SHISAL2B: variants seen among roughly 807,000 people sequenced by gnomAD.
SHISAL2B encodes protein shisa-like-2B.
SHISAL2B carries 12 observed loss-of-function variants against 16.5 expected under a neutral mutation model. That is an observed-to-expected ratio of 0.73 (90% CI 0.47 to 1.18). SHISAL2B has a LOEUF of 1.18. SHISAL2B is among the 50% of genes most tolerant of loss of function. The probability of loss-of-function intolerance (pLI) is 0.00; values close to 1 mark genes in which losing one functional copy is unlikely to be tolerated. For missense variants in SHISAL2B, 183 were observed against 193.6 expected (o/e 0.95, Z 0.33); for synonymous variants, 72 against 75.0 (o/e 0.96, Z 0.21).
chr5:64,693,547 T>C (rs529186066), intron 1 of SHISAL2B, among the ~76,000 whole-genome samples: 1 of 152,230 alleles, frequency 6.6e-6, no homozygotes, highest in East Asian at 1.9e-4. Context: ...GAAGATTTTT[T>C]AATCAGGTTC....
intron 2 of SHISAL2B, among the ~76,000 whole-genome samples, chr5:64,716,044 A>C (rs1279983965): frequency 6.6e-6 from 1 of 152,228 alleles, no homozygotes; most frequent in Non-Finnish European, 1.5e-5. Flanking sequence ...TACACCGTTG[A>C]CCAAGAAAAA....
chr5:64,702,348 G>A (rs1028611326), intron 2 of SHISAL2B, among the ~76,000 whole-genome samples: 7 of 152,116 alleles, frequency 4.6e-5, no homozygotes, highest in Non-Finnish European at 8.8e-5. Flanking sequence ...TTACAGGCAT[G>A]AGCCACCACG....
chr5:64,715,320 G>T (rs1214612125), intron 2 of SHISAL2B, among the ~76,000 whole-genome samples: 2 of 152,064 alleles, frequency 1.3e-5, no homozygotes. Flanking sequence ...CTCATATCCA[G>T]AAGACATGCT....
chr5:64,709,086 T>C (rs1190156915), intron 2 of SHISAL2B, among the ~76,000 whole-genome samples: 1 of 150,764 alleles, frequency 6.6e-6, no homozygotes, highest in Non-Finnish European at 1.5e-5. Flanking sequence ...GTGCACATTG[T>C]GCGGGTTAGT....
chr5:64,714,995 C>A (rs893446153), intron 2 of SHISAL2B, among the ~76,000 whole-genome samples: 1 of 152,110 alleles, frequency 6.6e-6, no homozygotes, highest in Non-Finnish European at 1.5e-5. Context: ...AGAAATCACC[C>A]GTCTTCTGCG....
chr5:64,690,853 C>T, intron 1 of SHISAL2B, 39 bp downstream of exon 1: 1 of 1,467,308 alleles, frequency 6.8e-7, no homozygotes, highest in Admixed American at 2.3e-5. Flanking sequence ...CTGGCCGAGC[C>T]CGGGGCTAGG....
intron 1 of SHISAL2B, among the ~76,000 whole-genome samples, chr5:64,694,629 T>TTC (rs1741704703): frequency 6.6e-6 from 1 of 152,242 alleles, no homozygotes; most frequent in African/African-American, 2.4e-5. Flanking sequence ...TCCTTAATGC[T>TTC]AGAAGCCATT....
At chr5:64,710,517 C>T (rs1205260370) in intron 2 of SHISAL2B, among the ~76,000 whole-genome samples, 2 of 65,882 alleles carry the variant, frequency 3.0e-5, no homozygotes, top group Non-Finnish European at 5.0e-5. Context: ...CTTGGCGATG[C>T]GGGCTCTTTT....
At chr5:64,708,907 T>C (rs10074530) in intron 2 of SHISAL2B, among the ~76,000 whole-genome samples, 2,396 of 152,166 alleles carry the variant, frequency 0.016, 61 homozygotes, top group African/African-American at 0.055. Context: ...TGAAATAAAG[T>C]CATTATTGTG....
chr5:64,691,315 C>G (rs1179980798), intron 1 of SHISAL2B: 1 of 153,190 alleles, frequency 6.5e-6, no homozygotes, highest in South Asian at 2.1e-4. Context: ...TATTTTAAGA[C>G]TCTTTGAGGG....
At chr5:64,701,522 C>A (rs1741809733) in intron 2 of SHISAL2B, among the ~76,000 whole-genome samples, 1 of 151,966 alleles carries the variant, frequency 6.6e-6, no homozygotes, top group Non-Finnish European at 1.5e-5. Context: ...TATTGATATT[C>A]TGGAGTTTTA....
chr5:64,704,080 TAAG>T (rs1453890315), intron 2 of SHISAL2B, among the ~76,000 whole-genome samples: 1 of 152,140 alleles, frequency 6.6e-6, no homozygotes, highest in Admixed American at 6.5e-5. Flanking sequence ...TACTAAATAA[TAAG>T]GTGACTCAGC....
chr5:64,695,264 CA>C (rs33996841), intron 1 of SHISAL2B, among the ~76,000 whole-genome samples: 132 of 130,578 alleles, frequency 1.0e-3, no homozygotes, highest in African/African-American at 1.5e-3. Context: ...GACACCATCT[CA>C]AAAAAAAAAA....
chr5:64,703,734 G>A (rs1741841696), intron 2 of SHISAL2B, among the ~76,000 whole-genome samples: 1 of 152,150 alleles, frequency 6.6e-6, no homozygotes, highest in South Asian at 2.1e-4. Context: ...AATAGGGTAG[G>A]AAAATAATTT....
intron 1 of SHISAL2B, among the ~76,000 whole-genome samples, chr5:64,693,914 A>G (rs570965848): frequency 2.0e-5 from 3 of 152,318 alleles, no homozygotes; most frequent in East Asian, 3.9e-4. Context: ...GTCGACTTCA[A>G]GTGTGTGCTT....
Position 64,690,797 on chromosome 5 carries a change from C to A in SHISAL2B, c.174C>A (p.Ser58Arg). 6.5e-7 allele frequency: 1 copy of A among 1,539,010 alleles called. No homozygotes were observed. Reference sequence around the variant, plus strand: ...GCAGCTACTTCCCCTACAAGCACAGCTACATGTGGAGCCTCAGGTGGGCTG... The same window carrying A: ...GCAGCTACTTCCCCTACAAGCACAGATACATGTGGAGCCTCAGGTGGGCTG... ...EPGSYFPYKHSYMWSLSIGAL... is the reference protein window; with the variant it reads ...EPGSYFPYKHRYMWSLSIGAL... Residue 58 changes from serine (S) to arginine (R), a missense_variant, in exon 1 of 3, where the codon AGC becomes AGA. Transcript: ENST00000389074.
At chr5:64,709,625 A>C (rs1342947674) in intron 2 of SHISAL2B, among the ~76,000 whole-genome samples, 1 of 150,868 alleles carries the variant, frequency 6.6e-6, no homozygotes, top group Non-Finnish European at 1.5e-5. Context: ...TGACTTCCAC[A>C]ATGGTTGAAC....
At chr5:64,704,204 A>G (rs1346373093) in intron 2 of SHISAL2B, among the ~76,000 whole-genome samples, 1 of 152,234 alleles carries the variant, frequency 6.6e-6, no homozygotes, top group Non-Finnish European at 1.5e-5. Context: ...CCTGATAGCC[A>G]CAAGATAAAG....
At chr5:64,705,771 C>G (rs1240505850) in intron 2 of SHISAL2B, among the ~76,000 whole-genome samples, 1 of 152,198 alleles carries the variant, frequency 6.6e-6, no homozygotes, top group Admixed American at 6.5e-5. Flanking sequence ...GTATCCCTGA[C>G]ACAGCCTCAG....
Sources: gnomAD v4.1 joint callset for allele counts (sites outside exome capture counted in the v4.1 genomes callset) on GRCh38, gnomAD v4.1.1 for gene constraint, MANE v1.5 for transcripts, NCBI Gene and HGNC (gene_info 2026-07-23, HGNC 2026-07-21) for gene names.